Variants in AUTS2 observed in about 807,000 individuals in gnomAD.
AUTS2 encodes autism susceptibility gene 2 protein.
A neutral mutation model predicts 112.4 loss-of-function variants in AUTS2; 17 were observed. That is an observed-to-expected ratio of 0.15 (90% confidence interval 0.10 to 0.23). The LOEUF (loss-of-function observed/expected upper bound fraction) is 0.23, where lower values mean the gene tolerates loss of function less well. Among genes scored for constraint, AUTS2 ranks in the 10% least tolerant of loss-of-function variants. The pLI, the probability that AUTS2 is intolerant of heterozygous loss-of-function variation, is 1.00. For missense variants in AUTS2, 1,510 were observed against 1,701.6 expected (o/e 0.89, Z 1.98); for synonymous variants, 751 against 702.7 (o/e 1.07, Z -1.09).
intron 1 of AUTS2, among the ~76,000 whole-genome samples, chr7:69,765,285 C>T (rs1162363398): frequency 6.6e-6 from 1 of 152,194 alleles, no homozygotes; most frequent in Non-Finnish European, 1.5e-5. Context: ...TCACACCTAA[C>T]AGGACACATT....
chr7:70,716,263 C>T (rs1230410365), intron 6 of AUTS2, among the ~76,000 whole-genome samples: 2 of 152,160 alleles, frequency 1.3e-5, no homozygotes, highest in Non-Finnish European at 2.9e-5. Context: ...CTTGCCATCT[C>T]CTGTTCTTTG....
chr7:70,498,498 A>G (rs1251194119), intron 5 of AUTS2, among the ~76,000 whole-genome samples: 1 of 152,144 alleles, frequency 6.6e-6, no homozygotes, highest in Non-Finnish European at 1.5e-5. Flanking sequence ...AAAACATGTC[A>G]GGGCCTGGTC....
intron 2 of AUTS2, among the ~76,000 whole-genome samples, chr7:70,057,128 T>C (rs972797566): frequency 6.6e-6 from 1 of 152,196 alleles, no homozygotes; most frequent in Non-Finnish European, 1.5e-5. Context: ...GCTTCTTGAA[T>C]CGCATACAAA....
chr7:70,382,722 G>A (rs926725875), intron 4 of AUTS2, among the ~76,000 whole-genome samples: 3 of 152,130 alleles, frequency 2.0e-5, no homozygotes, highest in African/African-American at 7.2e-5. Flanking sequence ...CTCACTCACT[G>A]TCTTTTCTAA....
chr7:69,677,046 TAG>T lies in AUTS2; in HGVS notation c.309+77086_309+77087del, dbSNP rs1796596531. 2.0e-5 allele frequency among the ~76,000 whole-genome samples: 3 copies of T among 152,192 alleles called. No individual in the cohort carries two copies. The South Asian group carries it at 6.2e-4, about 32-fold the overall frequency. On this transcript the variant is annotated intron_variant, in intron 1 of 18. Coordinates refer to ENST00000342771, the MANE Select transcript of AUTS2 (RefSeq NM_015570.4). ...CTGATAGAAAATTTCTGAAGAGAGATAGAAAATCTAATCTATTTGGATGTCTT... is the reference window on the plus strand; with the variant it reads ...CTGATAGAAAATTTCTGAAGAGAGATAAAATCTAATCTATTTGGATGTCTT...
intron 1 of AUTS2, among the ~76,000 whole-genome samples, chr7:69,859,793 A>G (rs1792893364): frequency 6.6e-6 from 1 of 152,172 alleles, no homozygotes. Context: ...TCAGAGCCAG[A>G]GTGAAAAAAC....
intron 4 of AUTS2, among the ~76,000 whole-genome samples, chr7:70,233,011 A>G (rs1193138664): frequency 6.6e-6 from 1 of 152,246 alleles, no homozygotes; most frequent in Non-Finnish European, 1.5e-5. Flanking sequence ...CAATTCACAT[A>G]TTAGTAGTAT....
intron 4 of AUTS2, among the ~76,000 whole-genome samples, chr7:70,392,238 C>A (rs1793898079): frequency 6.6e-6 from 1 of 152,144 alleles, no homozygotes; most frequent in Admixed American, 6.5e-5. Context: ...GCCTAGTGTA[C>A]TTCCTAGCCC....
At chr7:70,321,259 C>A (rs1056334873) in intron 4 of AUTS2, among the ~76,000 whole-genome samples, 6 of 152,178 alleles carry the variant, frequency 3.9e-5, no homozygotes, top group Admixed American at 3.9e-4. Flanking sequence ...TTACTCTTAA[C>A]CTCTAAGCAA....
Position 69,961,761 on chromosome 7 carries a change from A to G in AUTS2, c.522+62263A>G, listed in dbSNP as rs372886458. 3.9e-5 allele frequency among the ~76,000 whole-genome samples: 6 copies of G among 152,260 alleles called. No homozygotes were observed. The East Asian group carries it at 1.2e-3, about 29-fold the overall frequency. ...GAGATAGAGCCCATGTTGTAAGGCT[A>G]TGTAACTCTTCCTCTCAAAAGAAGA... On this transcript the variant is annotated intron_variant, in intron 2 of 18. Coordinates refer to ENST00000342771, the MANE Select transcript of AUTS2 (RefSeq NM_015570.4).
chr7:70,130,956 A>C (rs993206355), intron 3 of AUTS2, among the ~76,000 whole-genome samples: 2 of 152,220 alleles, frequency 1.3e-5, no homozygotes, highest in Non-Finnish European at 2.9e-5. Flanking sequence ...GTATTTGCCT[A>C]AACATGGATG....
intron 2 of AUTS2, among the ~76,000 whole-genome samples, chr7:70,012,482 C>A (rs764239387): frequency 6.6e-6 from 1 of 152,094 alleles, no homozygotes; most frequent in Non-Finnish European, 1.5e-5. Flanking sequence ...TTTTTAGTTT[C>A]TTTTGTCTTC....
chr7:70,681,648 C>T (rs1279307793), intron 5 of AUTS2, among the ~76,000 whole-genome samples: 8 of 152,042 alleles, frequency 5.3e-5, no homozygotes, highest in African/African-American at 1.9e-4. Flanking sequence ...CAGAATTAAA[C>T]GTAGTTGCCT....
intron 5 of AUTS2, among the ~76,000 whole-genome samples, chr7:70,459,856 T>G (rs547944023): frequency 3.3e-5 from 5 of 152,120 alleles, no homozygotes; most frequent in Non-Finnish European, 7.4e-5. Flanking sequence ...AGCCAGACTG[T>G]GGGGCAGAGG....
At chr7:70,032,883 T>TAA (rs58452434) in intron 2 of AUTS2, among the ~76,000 whole-genome samples, 1 of 137,334 alleles carries the variant, frequency 7.3e-6, no homozygotes, top group Non-Finnish European at 1.6e-5. Context: ...AGAGGCAGAG[T>TAA]AAAAAAAAAA....
At chr7:70,372,278 C>A (rs1450706779) in intron 4 of AUTS2, among the ~76,000 whole-genome samples, 2 of 152,262 alleles carry the variant, frequency 1.3e-5, no homozygotes, top group Admixed American at 1.3e-4. Context: ...ATTGAGATTT[C>A]TTATAGAAGG....
At chr7:70,781,842 C>A in intron 15 of AUTS2, 86 bp downstream of exon 15, 1 of 1,505,796 alleles carries the variant, frequency 6.6e-7, no homozygotes, top group Non-Finnish European at 9.0e-7. Context: ...TCTGAGCTGC[C>A]GCTCAGTCAC....
At chr7:69,628,655 A>C (rs74670299) in intron 1 of AUTS2, among the ~76,000 whole-genome samples, 1 of 152,210 alleles carries the variant, frequency 6.6e-6, no homozygotes, top group Non-Finnish European at 1.5e-5. Context: ...GCGTGTCTTC[A>C]TATGGCTAGA....
At chr7:70,185,054 T>C (rs1272921853) in intron 4 of AUTS2, among the ~76,000 whole-genome samples, 1 of 152,244 alleles carries the variant, frequency 6.6e-6, no homozygotes, top group African/African-American at 2.4e-5. Flanking sequence ...TTTAAACTTC[T>C]TGAAGTAATG....
Sources: allele counts gnomAD v4.1 joint callset (sites outside exome capture counted in the v4.1 genomes callset), GRCh38; gene constraint gnomAD v4.1.1; transcripts MANE v1.5; gene names NCBI Gene and HGNC (gene_info 2026-07-23, HGNC 2026-07-21).